NTRK3: variants seen among roughly 807,000 people sequenced by gnomAD.
NTRK3 encodes the protein NT-3 growth factor receptor.
A neutral mutation model predicts 91.7 loss-of-function variants in NTRK3; 24 were observed. The observed-to-expected ratio is 0.26, with a 90% CI of 0.19 to 0.37. The LOEUF (loss-of-function observed/expected upper bound fraction) is 0.37, where lower values mean the gene tolerates loss of function less well. Ranked by LOEUF, NTRK3 falls within the 10% of genes least tolerant of loss-of-function variation. NTRK3 has a pLI of 1.00. For missense variants in NTRK3, 880 were observed against 1,068.9 expected, an observed-to-expected ratio of 0.82 and a Z score of 2.46; for synonymous variants, 483 against 404.0, an observed-to-expected ratio of 1.20 and a Z score of -2.34.
chr15:87,944,872 A>T (rs113625555), intron 14 of NTRK3, among the ~76,000 whole-genome samples: 9 of 152,296 alleles, frequency 5.9e-5, no homozygotes, highest in African/African-American at 2.2e-4. Context: ...TTCACTTCTG[A>T]CGTCCACGCG....
chr15:88,149,928 C>T (rs983928779), intron 5 of NTRK3, among the ~76,000 whole-genome samples: 1 of 152,218 alleles, frequency 6.6e-6, no homozygotes, highest in Non-Finnish European at 1.5e-5. Context: ...TGCACAACAG[C>T]ATCACGGCAG....
chr15:88,250,814 CCAAA>C (rs1475233439), intron 3 of NTRK3, among the ~76,000 whole-genome samples: 4 of 152,106 alleles, frequency 2.6e-5, no homozygotes, highest in Admixed American at 6.5e-5. Context: ...TTTATAAACC[CCAAA>C]CACTCATATT....
At chr15:87,978,166 G>C (rs1019801783) in intron 14 of NTRK3, 1 of 230,438 alleles carries the variant, frequency 4.3e-6, no homozygotes. Context: ...TACTGAAGAA[G>C]GGAAAGTCAC....
chr15:88,049,626 A>T (rs555781492), intron 13 of NTRK3, among the ~76,000 whole-genome samples: 5 of 152,350 alleles, frequency 3.3e-5, no homozygotes, highest in African/African-American at 1.2e-4. Flanking sequence ...GCTGTTGTCA[A>T]TATTATCTGA....
At chr15:87,867,340 G>T (rs1232953268) in exon 19 of NTRK3, 1 of 227,944 alleles carries the variant, frequency 4.4e-6, no homozygotes, top group African/African-American at 2.2e-5. Context: ...AAAGGGTGGG[G>T]TGGGGAGCAG....
chr15:88,085,591 C>A (rs1024400071), intron 13 of NTRK3, among the ~76,000 whole-genome samples: 1 of 152,186 alleles, frequency 6.6e-6, no homozygotes, highest in Non-Finnish European at 1.5e-5. Context: ...CAGGCCTGGG[C>A]ACAAGAAATA....
At chr15:87,886,791 T>C (rs2065438062) in intron 17 of NTRK3, among the ~76,000 whole-genome samples, 1 of 147,642 alleles carries the variant, frequency 6.8e-6, no homozygotes, top group South Asian at 2.1e-4. Context: ...AATTTTGTGA[T>C]AATCATGTAT....
intron 14 of NTRK3, among the ~76,000 whole-genome samples, chr15:88,003,836 T>TC (rs1027319431): frequency 1.3e-4 from 20 of 151,870 alleles, no homozygotes; most frequent in African/African-American, 4.8e-4. Flanking sequence ...ATTTTTTTTT[T>TC]TTTTTTTTGC....
chr15:88,169,388 T>C (rs183814107), intron 5 of NTRK3, among the ~76,000 whole-genome samples: 144 of 152,284 alleles, frequency 9.5e-4, no homozygotes, highest in African/African-American at 3.3e-3. Context: ...GACACTTGTA[T>C]GTAACAGAGG....
At chr15:88,148,974 G>T (rs2043132576) in intron 5 of NTRK3, among the ~76,000 whole-genome samples, 3 of 152,180 alleles carry the variant, frequency 2.0e-5, no homozygotes, top group Non-Finnish European at 2.9e-5. Context: ...GCCTGCCAAA[G>T]GATCACATGG....
intron 14 of NTRK3, among the ~76,000 whole-genome samples, chr15:88,031,105 C>A (rs1190847779): frequency 2.0e-5 from 3 of 152,166 alleles, no homozygotes; most frequent in Non-Finnish European, 4.4e-5. Flanking sequence ...AATGAATCAA[C>A]AACATGTATT....
rs150804206 is a variant in NTRK3 at position 87,930,568 on chromosome 15, G to A, written c.1890-1134C>T. 6.0e-3 allele frequency among the ~76,000 whole-genome samples: 917 copies of A among 152,248 alleles called. 14 individuals are homozygous for A. The highest frequency in any genetic ancestry group is 0.021 in the African/African-American group (888 of 41,560). ...AGAAGCCCTCCCTTCTGTCTGCCTG[G>A]AGAGTGCACTCCAGCCTGCCTCTCA... On this transcript the variant is annotated intron_variant, in intron 16 of 18. Coordinates refer to ENST00000394480, the Ensembl canonical transcript of NTRK3.
At chr15:87,885,665 C>A in intron 17 of NTRK3, 29 bp downstream of exon 18, 1 of 1,239,704 alleles carries the variant, frequency 8.1e-7, no homozygotes, top group Non-Finnish European at 1.1e-6. Context: ...ATGAACTATT[C>A]ATTAAAAAAA....
chr15:88,033,991 TG>T (rs2078842378), intron 13 of NTRK3, among the ~76,000 whole-genome samples: 1 of 152,088 alleles, frequency 6.6e-6, no homozygotes, highest in Admixed American at 6.5e-5. Flanking sequence ...GACATCAGAT[TG>T]TGAGAGCTCC....
At chr15:87,947,387 A>T (rs1439950675) in intron 14 of NTRK3, among the ~76,000 whole-genome samples, 1 of 152,138 alleles carries the variant, frequency 6.6e-6, no homozygotes, top group African/African-American at 2.4e-5. Flanking sequence ...TACTTCAGAG[A>T]GAGGCTCTGC....
At chr15:87,975,964 C>T (rs980186490) in intron 14 of NTRK3, among the ~76,000 whole-genome samples, 2 of 152,166 alleles carry the variant, frequency 1.3e-5, no homozygotes, top group African/African-American at 4.8e-5. Flanking sequence ...AGAGCACTCC[C>T]TCCATGAGGC....
At chr15:87,865,184 C>T (rs2064633571) in exon 19 of NTRK3, 2 of 207,216 alleles carry the variant, frequency 9.7e-6, no homozygotes, top group Non-Finnish European at 2.0e-5. Flanking sequence ...GATCAAAATA[C>T]TTTTAGAAAA....
chr15:87,884,022 A>G (rs548866958), intron 17 of NTRK3, among the ~76,000 whole-genome samples: 28 of 150,936 alleles, frequency 1.9e-4, no homozygotes, highest in Admixed American at 8.5e-4. Flanking sequence ...CACTAAACAA[A>G]TGCAAGAAAA....
chr15:87,995,171 G>A (rs2075598131), intron 14 of NTRK3, among the ~76,000 whole-genome samples: 1 of 152,126 alleles, frequency 6.6e-6, no homozygotes, highest in Non-Finnish European at 1.5e-5. Flanking sequence ...GTGTCCCATG[G>A]AGCCCAGAGA....
Sources: allele counts gnomAD v4.1 joint callset (sites outside exome capture counted in the v4.1 genomes callset), GRCh38; gene constraint gnomAD v4.1.1; transcripts MANE v1.5; gene names NCBI Gene and HGNC (gene_info 2026-07-23, HGNC 2026-07-21).